Variants in GOLGA6L22 observed in about 807,000 individuals in gnomAD.
GOLGA6L22 encodes golgin subfamily A member 6-like protein 22.
In GOLGA6L22, 28 loss-of-function variants were observed where a neutral mutation model predicts 77.1. The ratio of observed to expected loss-of-function variants is 0.36; its 90% CI spans 0.27 to 0.50. The LOEUF (loss-of-function observed/expected upper bound fraction) is 0.50, where lower values mean the gene tolerates loss of function less well. Among genes scored for constraint, GOLGA6L22 ranks in the 20% least tolerant of loss-of-function variants. GOLGA6L22 has a pLI of 0.97. For missense variants in GOLGA6L22, 250 were observed against 620.4 expected (o/e 0.40, Z 6.34); for synonymous variants, 62 against 185.3 (o/e 0.33, Z 5.41).
rs550536521 is a variant in GOLGA6L22 at position 22,464,759 on chromosome 15, T to G, written c.634-267T>G. Reference sequence around the variant, plus strand: ...CAACCCCGGCTTCACGCCATTCTCCTGCCTCAGCCTCCCAAGTAGCTGGGA... The same window carrying G: ...CAACCCCGGCTTCACGCCATTCTCCGGCCTCAGCCTCCCAAGTAGCTGGGA... On this transcript the variant is annotated intron_variant, in intron 7 of 8. Coordinates refer to ENST00000622895, the Ensembl canonical transcript of GOLGA6L22. 8.2e-4 allele frequency among the ~76,000 whole-genome samples: 107 copies of G among 130,016 alleles called. 22 individuals carry two copies. The highest frequency in any genetic ancestry group is 3.3e-3 in the African/African-American group (100 of 30,020). 85.3% of individuals were successfully genotyped at this position (130,016 alleles called of 152,430 possible). A position where few individuals can be genotyped will look rare whatever the true frequency, so the allele number is the denominator to read the frequency against.
At chr15:22,467,398 T>C (rs1887748910) in intron 8 of GOLGA6L22, 84 bp from the exon 9 acceptor site, 1 of 7,326 alleles carries the variant, frequency 1.4e-4, no homozygotes, top group East Asian at 7.6e-3. Flanking sequence ...GGAGACCCGG[T>C]TGAGGGAGTT....
At position 22,459,692 on chromosome 15, in the gene GOLGA6L22, TC is replaced by T. The variant is rs891142968; in HGVS notation, c.51+526del. Among the ~76,000 whole-genome samples, 5 of 129,748 alleles carry T rather than the reference TC, an allele frequency of 3.9e-5. 1 individual carries two copies. Among genetic ancestry groups the T allele is most frequent in the Non-Finnish European group, 7.8e-5 (5 of 64,372 alleles). The allele number at this position is 129,748 out of a possible 152,430, so 85.1% of individuals were successfully genotyped here. A position where few individuals can be genotyped will look rare whatever the true frequency, so the allele number is the denominator to read the frequency against. ...GCAACTTGGGCATTGCACTCATGTG[TC>T]CCCCCCAACAACTCCACCGAGGAGT... On this transcript the variant is annotated intron_variant, in intron 1 of 8. Coordinates refer to ENST00000622895, the Ensembl canonical transcript of GOLGA6L22.
rs748746051 is a variant in GOLGA6L22, at chr15:22,465,824, C to A, written c.1432C>A (p.Gln478Lys). ...GGAGCAGGAGGAGAAGATGTGGAGGCAGGAGGAGAAGATACGGGAGCAGGA... is the reference window on the plus strand; with the variant it reads ...GGAGCAGGAGGAGAAGATGTGGAGGAAGGAGGAGAAGATACGGGAGCAGGA... The change falls in exon 8 of 9, where the codon CAG (glutamine) becomes AAG (lysine). Residue 478 changes from glutamine to lysine, a missense_variant. By Grantham distance (53) the Gln-to-Lys change is moderately conservative. Coordinates refer to ENST00000622895, the Ensembl canonical transcript of GOLGA6L22. The A allele has an allele frequency of 6.0e-5, 85 of 1,418,322 alleles. 13 individuals carry two copies. In the South Asian group the frequency reaches 1.1e-3, roughly 19 times the overall value. 87.9% of individuals were successfully genotyped at this position (1,418,322 alleles called of 1,614,324 possible).
chr15:22,464,630 CATTTATTTATTTATTT>C (rs550262370), intron 7 of GOLGA6L22, among the ~76,000 whole-genome samples: 3 of 109,538 alleles, frequency 2.7e-5, no homozygotes, highest in South Asian at 3.4e-4. Flanking sequence ...TTATAGATTA[CATTTATTTATTTATTT>C]ATTTATTTAT....
upstream of GOLGA6L22, chr15:22,459,021 C>T (rs2140793690): frequency 9.6e-6 from 1 of 103,904 alleles, no homozygotes; most frequent in East Asian, 9.2e-5. Context: ...ACCCCACCTC[C>T]CTACCCATCC....
chr15:22,466,347 T>C lies in GOLGA6L22; in HGVS notation c.1955T>C (p.Met652Thr), dbSNP rs1247591732. 33 of 1,171,806 alleles carry C rather than the reference T, an allele frequency of 2.8e-5. 6 individuals carry two copies. In the South Asian group the frequency reaches 5.1e-4, roughly 18 times the overall value. The allele number at this position is 1,171,806 out of a possible 1,614,324, so 72.6% of individuals were successfully genotyped here. A position where few individuals can be genotyped will look rare whatever the true frequency, so the allele number is the denominator to read the frequency against. The change falls in exon 8 of 9, where the codon ATG (methionine) becomes ACG (threonine). Residue 652 changes from methionine (M) to threonine (T), a missense_variant. By Grantham distance (81) the Met-to-Thr change is moderately conservative. Transcript: ENST00000622895. The stretch of plus-strand genomic sequence containing the variant: ...GAGAAGATACGAGAGCAGGAGGAGA[T>C]GATGCAGGAACAGGAAGAGAAGATG...
chr15:22,465,925 G>T, exon 8 of GOLGA6L22: 1 of 1,072,356 alleles, frequency 9.3e-7, no homozygotes, highest in East Asian at 3.1e-5. Flanking sequence ...TATGGGAGGA[G>T]GAGAAGAGGC....
intron 5 of GOLGA6L22, among the ~76,000 whole-genome samples, chr15:22,463,377 T>A (rs1212456419): frequency 7.1e-6 from 1 of 141,486 alleles, no homozygotes; most frequent in African/African-American, 2.7e-5. Context: ...GAGGGCCAGG[T>A]GCTCTCGCTC....
At position 22,465,703 on chromosome 15, in the gene GOLGA6L22, G is replaced by A. The variant is rs1212800939; in HGVS notation, c.1311G>A (p.Gln437=). Reference sequence around the variant, plus strand: ...AGCAGGAGGAGAAGGTGTGGAGGCAGGAGGAGAAGATGCACGACCAGGAGG... The same window carrying A: ...AGCAGGAGGAGAAGGTGTGGAGGCAAGAGGAGAAGATGCACGACCAGGAGG... Residue 437 remains glutamine (Q), a synonymous_variant, in exon 8 of 9, where the codon CAG becomes CAA. Transcript: ENST00000622895. The A allele has an allele frequency of 3.5e-5, 39 of 1,128,638 alleles. 1 individual carries two copies. Among genetic ancestry groups the A allele is most frequent in the Non-Finnish European group, 4.5e-5 (37 of 821,220 alleles). 69.9% of individuals were successfully genotyped at this position (1,128,638 alleles called of 1,614,324 possible).
At chr15:22,463,175 G>T (rs1315060543) in intron 5 of GOLGA6L22, among the ~76,000 whole-genome samples, 1 of 140,968 alleles carries the variant, frequency 7.1e-6, no homozygotes, top group African/African-American at 2.8e-5. Flanking sequence ...CTCCTATGGA[G>T]GTTGTGAGGA....
At chr15:22,466,712 G>A in exon 8 of GOLGA6L22, 1 of 593,974 alleles carries the variant, frequency 1.7e-6, no homozygotes, top group Non-Finnish European at 2.9e-6. Flanking sequence ...GAAGATGTGT[G>A]AGCAGGAAGA....
At chr15:22,464,685 G>C (rs1195082507) in intron 7 of GOLGA6L22, among the ~76,000 whole-genome samples, 1 of 126,012 alleles carries the variant, frequency 7.9e-6, no homozygotes, top group East Asian at 2.1e-4. Flanking sequence ...GTCTCACTCT[G>C]TCACCCAGGC....
Position 22,465,799 on chromosome 15 carries a change from G to C in GOLGA6L22, c.1407G>C (p.Arg469=), listed in dbSNP as rs111335211. 319 of 1,406,502 alleles carry C rather than the reference G, an allele frequency of 2.3e-4. 75 individuals are homozygous for C. In the African/African-American group the frequency reaches 5.9e-3, roughly 26 times the overall value. 87.1% of individuals were successfully genotyped at this position (1,406,502 alleles called of 1,614,324 possible). The change falls in exon 8 of 9, where the codon CGG becomes CGC. Residue 469 remains arginine, a synonymous_variant. Transcript: ENST00000622895. ...AGATACGGGAGCAGGAGAAGAAACG[G>C]GAGCAGGAGGAGAAGATGTGGAGGC...
intron 7 of GOLGA6L22, among the ~76,000 whole-genome samples, 176 bp from the exon 8 acceptor site, chr15:22,464,847 C>T (rs1185398679): frequency 3.9e-5 from 5 of 127,584 alleles, no homozygotes; most frequent in African/African-American, 1.7e-4. Context: ...CGGGGTTTCA[C>T]TGTGTTAACC....
At position 22,465,759 on chromosome 15, in the gene GOLGA6L22, G is replaced by A; in HGVS notation, c.1367G>A (p.Trp456Ter). The A allele has an allele frequency of 2.2e-6, 3 of 1,367,618 alleles. No homozygotes were observed. The highest frequency in any genetic ancestry group is 2.9e-6 in the Non-Finnish European group (3 of 1,032,926). 84.7% of individuals were successfully genotyped at this position (1,367,618 alleles called of 1,614,324 possible). A position where few individuals can be genotyped will look rare whatever the true frequency, so the allele number is the denominator to read the frequency against. ...ATACGGGAGCAGGAGGAGAAGGTGT[G>A]GAGGCAGGAGGAGAAGATACGGGAG... Residue 456 changes from tryptophan (W) to a stop codon, truncating the protein, a stop_gained, in exon 8 of 9, where the codon TGG becomes TAG. Transcript: ENST00000622895. LOFTEE classifies it high-confidence loss of function.
chr15:22,466,405 AGAGAAGATGCAAGAACAGGAG>A (rs1887722249), exon 8 of GOLGA6L22: 2 of 1,351,916 alleles, frequency 1.5e-6, no homozygotes, highest in East Asian at 2.6e-5. Context: ...GGGAGCAGGA[AGAGAAGATGCAAGAACAGGAG>A]GAGAAGATGC....
At chr15:22,468,787 C>T (rs1244212991) in exon 9 of GOLGA6L22, 3 of 41,094 alleles carry the variant, frequency 7.3e-5, no homozygotes, top group African/African-American at 5.6e-4. Flanking sequence ...ATCTACCTGC[C>T]TCAGCCTCCC....
Position 22,465,785 on chromosome 15 carries a change from C to T in GOLGA6L22, c.1393C>T (p.Gln465Ter). ...GAGGCAGGAGGAGAAGATACGGGAG[C>T]AGGAGAAGAAACGGGAGCAGGAGGA... Residue 465 changes from glutamine (Q) to a stop codon, truncating the protein, a stop_gained, in exon 8 of 9, where the codon CAG (glutamine) becomes TAG (stop). Transcript: ENST00000622895. LOFTEE classifies it high-confidence loss of function. 7.6e-7 allele frequency: 1 copy of T among 1,307,772 alleles called. No homozygotes were observed. Among genetic ancestry groups the T allele is most frequent in the South Asian group, 1.5e-5 (1 of 66,096 alleles). 81.0% of individuals were successfully genotyped at this position (1,307,772 alleles called of 1,614,324 possible). A position where few individuals can be genotyped will look rare whatever the true frequency, so the allele number is the denominator to read the frequency against.
Position 22,465,839 on chromosome 15 carries a change from CG to C in GOLGA6L22, c.1450del (p.Glu484SerfsTer80), listed in dbSNP as rs1351838873. On this transcript the variant is annotated frameshift_variant, in exon 8 of 9. Coordinates refer to ENST00000622895, the Ensembl canonical transcript of GOLGA6L22. LOFTEE classifies it high-confidence loss of function. ...GATGTGGAGGCAGGAGGAGAAGATA[CG>C]GGAGCAGGAGGAGAAGATACGGGAG... 2 of 1,398,608 alleles carry C rather than the reference CG, an allele frequency of 1.4e-6. No individual in the cohort carries two copies. The highest frequency in any genetic ancestry group is 1.9e-6 in the Non-Finnish European group (2 of 1,062,008). The allele number at this position is 1,398,608 out of a possible 1,614,324, so 86.6% of individuals were successfully genotyped here. A position where few individuals can be genotyped will look rare whatever the true frequency, so the allele number is the denominator to read the frequency against.
Sources: allele counts gnomAD v4.1 joint callset (sites outside exome capture counted in the v4.1 genomes callset), GRCh38; gene constraint gnomAD v4.1.1; transcripts MANE v1.5; gene names NCBI Gene and HGNC (gene_info 2026-07-23, HGNC 2026-07-21).